Variants in ZNF75D observed in about 807,000 individuals in gnomAD.
The protein encoded by ZNF75D is zinc finger protein 75D.
In ZNF75D, 33 loss-of-function variants were observed where a neutral mutation model predicts 33.3. The ratio of observed to expected loss-of-function variants is 0.99; its 90% CI spans 0.75 to 1.32. The LOEUF (loss-of-function observed/expected upper bound fraction) is 1.32. Ranked by LOEUF, ZNF75D falls within the 40% of genes most tolerant of loss-of-function variation. ZNF75D has a pLI of 0.00. For missense variants in ZNF75D, 338 were observed against 367.5 expected (o/e 0.92, Z 0.66); for synonymous variants, 113 against 130.6 (o/e 0.87, Z 0.92).
chrX:135,310,895 T>A (rs782565246), intron 1 of ZNF75D, among the ~76,000 whole-genome samples: 2 of 110,356 alleles, frequency 1.8e-5, no homozygotes, highest in Non-Finnish European at 3.8e-5. Flanking sequence ...TGACTGTAGG[T>A]TGGAAGGGGA....
chrX:135,294,364 G>A, intron 2 of ZNF75D, 106 bp from the exon 3 acceptor site: 2 of 313,617 alleles, frequency 6.4e-6, no homozygotes, highest in East Asian at 9.4e-5. Context: ...TTCCTGTCTG[G>A]CTTCTTCTTT....
rs782528937 is a variant in ZNF75D, at chrX:135,286,910, C to G, written c.*227G>C. 2 of 395,101 alleles carry G rather than the reference C, an allele frequency of 5.1e-6. No homozygotes were observed. The highest frequency in any genetic ancestry group is 5.2e-5 in the African/African-American group (2 of 38,563). The allele number at this position is 395,101 out of a possible 1,213,427, so 32.6% of individuals were successfully genotyped here. On this transcript the variant is annotated 3_prime_UTR_variant, in exon 7 of 7. Transcript: ENST00000370766. ...ATAGATAGCTAAAGGAATCTCATCA[C>G]TACACTTTCATTTTTTTATTTATAA...
chrX:135,295,259 A>AT (rs1298505747), intron 2 of ZNF75D, among the ~76,000 whole-genome samples: 16 of 111,709 alleles, frequency 1.4e-4, no homozygotes, highest in South Asian at 3.8e-4. Context: ...CACTTCTTAC[A>AT]TTTTTTTGTC....
chrX:135,321,441 G>C (rs1439925302), intron 1 of ZNF75D, among the ~76,000 whole-genome samples: 1 of 112,418 alleles, frequency 8.9e-6, no homozygotes, highest in African/African-American at 3.2e-5. Context: ...AGGAAGAGAA[G>C]CAATTAGTGT....
At chrX:135,322,367 AATCAAGGCCT>A (rs200396079) in intron 1 of ZNF75D, among the ~76,000 whole-genome samples, 2,395 of 112,409 alleles carry the variant, frequency 0.021, 22 homozygotes, top group Non-Finnish European at 0.023. Flanking sequence ...CAAAGGCCTT[AATCAAGGCCT>A]TTCAACCTTG....
At chrX:135,261,869 T>A (rs1556415579) in intron 1 of ZNF75D, among the ~76,000 whole-genome samples, 1 of 112,037 alleles carries the variant, frequency 8.9e-6, no homozygotes. Context: ...TGCCCGTTAA[T>A]TGATGCAGTT....
At chrX:135,324,779 T>C (rs2084540610) in intron 1 of ZNF75D, among the ~76,000 whole-genome samples, 1 of 112,635 alleles carries the variant, frequency 8.9e-6, no homozygotes, top group Non-Finnish European at 1.9e-5. Flanking sequence ...CATGCATGGC[T>C]GCAAGCGTAG....
At chrX:135,268,437 T>C (rs2083870650) in intron 1 of ZNF75D, among the ~76,000 whole-genome samples, 1 of 109,342 alleles carries the variant, frequency 9.1e-6, no homozygotes, top group African/African-American at 3.3e-5. Context: ...TATACAAAAA[T>C]CAGTAGCCTT....
chrX:135,298,617 C>T lies in ZNF75D; in HGVS notation c.-390-2578G>A, dbSNP rs1295111548. On this transcript the variant is annotated intron_variant, in intron 1 of 6. Transcript: ENST00000370766. Reference sequence around the variant, plus strand: ...TAAACAGCTAAATTATGATATAATTCACAAATCACATAATTCATTCATTTA... The same window carrying T: ...TAAACAGCTAAATTATGATATAATTTACAAATCACATAATTCATTCATTTA... 2.7e-5 allele frequency: 3 copies of T among 111,700 alleles called. No individual in the cohort carries two copies. In the East Asian group the frequency reaches 8.3e-4, roughly 31 times the overall value. 9.2% of individuals were successfully genotyped at this position (111,700 alleles called of 1,213,427 possible).
Position 135,293,953 on chromosome X carries a change from G to GGTCC in ZNF75D, c.184_187dup (p.Pro63ArgfsTer4). On this transcript the variant is annotated frameshift_variant, in exon 3 of 7. Coordinates refer to ENST00000370766, the MANE Select transcript of ZNF75D (RefSeq NM_007131.5). LOFTEE classifies it high-confidence loss of function. Reference sequence around the variant, plus strand: ...CTGAAGTTGGCTGATAGTCTCAAGCGGTCCGGTTGCTTCATGATAACGGAA... The same window carrying GGTCC: ...CTGAAGTTGGCTGATAGTCTCAAGCGGTCCGTCCGGTTGCTTCATGATAACGGAA... The GGTCC allele has an allele frequency of 8.3e-7, 1 of 1,211,260 alleles. No individual in the cohort carries two copies. The highest frequency in any genetic ancestry group is 3.0e-5 in the East Asian group (1 of 33,830).
chrX:135,304,264 G>A (rs2084257181), intron 1 of ZNF75D, among the ~76,000 whole-genome samples: 1 of 111,350 alleles, frequency 9.0e-6, no homozygotes, highest in African/African-American at 3.3e-5. Flanking sequence ...TGGGGACAGT[G>A]TGCTGAGCGT....
intron 2 of ZNF75D, among the ~76,000 whole-genome samples, chrX:135,295,403 A>G (rs1335092675): frequency 8.9e-6 from 1 of 112,151 alleles, no homozygotes; most frequent in Non-Finnish European, 1.9e-5. Flanking sequence ...CTGATTCACT[A>G]CAACTTATAG....
intron 1 of ZNF75D, among the ~76,000 whole-genome samples, chrX:135,312,904 C>T (rs1433509044): frequency 9.0e-6 from 1 of 111,638 alleles, no homozygotes; most frequent in Non-Finnish European, 1.9e-5. Context: ...ATATTAATCC[C>T]TTATCAGATG....
chrX:135,284,364 A>T (rs1057027971), downstream of ZNF75D, among the ~76,000 whole-genome samples: 2 of 111,204 alleles, frequency 1.8e-5, no homozygotes, highest in Non-Finnish European at 3.8e-5. Context: ...ATGGACATAC[A>T]TTTCTCCTCT....
chrX:135,286,376 A>C lies in ZNF75D; in HGVS notation c.*761T>G, dbSNP rs1556419437. ...ACTTATCTGTGCTTTCTACAAAAAAAAACCAGATACCTGGATGAGGGCCAA... is the reference window on the plus strand; with the variant it reads ...ACTTATCTGTGCTTTCTACAAAAAACAACCAGATACCTGGATGAGGGCCAA... On this transcript the variant is annotated 3_prime_UTR_variant, in exon 7 of 7. Transcript: ENST00000370766. 2 of 112,053 alleles carry C rather than the reference A, an allele frequency of 1.8e-5. No homozygotes were observed. Among genetic ancestry groups the C allele is most frequent in the Admixed American group, 1.9e-4 (2 of 10,568 alleles). 9.2% of individuals were successfully genotyped at this position (112,053 alleles called of 1,213,427 possible).
intron 3 of ZNF75D, among the ~76,000 whole-genome samples, chrX:135,292,793 C>T (rs947774874): frequency 1.2e-4 from 14 of 112,176 alleles, no homozygotes; most frequent in African/African-American, 4.2e-4. Flanking sequence ...TGCTGGGGAA[C>T]TTTCACTGGT....
At chrX:135,258,248 A>G (rs782195418) in intron 1 of ZNF75D, among the ~76,000 whole-genome samples, 5 of 107,233 alleles carry the variant, frequency 4.7e-5, no homozygotes, top group Non-Finnish European at 9.9e-5. Flanking sequence ...TAGTGCTGCA[A>G]TAAACATACG....
At chrX:135,274,575 T>C (rs931969056) in intron 1 of ZNF75D, among the ~76,000 whole-genome samples, 1 of 111,932 alleles carries the variant, frequency 8.9e-6, no homozygotes, top group Non-Finnish European at 1.9e-5. Context: ...TAGGTTTACA[T>C]GAGCACCTAA....
At chrX:135,278,722 C>T (rs2083909037) in intron 1 of ZNF75D, among the ~76,000 whole-genome samples, 1 of 111,399 alleles carries the variant, frequency 9.0e-6, no homozygotes, top group Admixed American at 9.5e-5. Flanking sequence ...TTATTGAAGG[C>T]CTTTTCTGCA....
Sources: allele counts gnomAD v4.1 joint callset (sites outside exome capture counted in the v4.1 genomes callset), GRCh38; gene constraint gnomAD v4.1.1; transcripts MANE v1.5; gene names NCBI Gene and HGNC (gene_info 2026-07-23, HGNC 2026-07-21).